NAPEPLD: variants seen among roughly 807,000 people sequenced by gnomAD.
NAPEPLD encodes the protein N-acyl-phosphatidylethanolamine-hydrolyzing phospholipase D.
Under a neutral mutation model 38.1 loss-of-function variants are expected in NAPEPLD, and 23 were observed. The ratio of observed to expected loss-of-function variants is 0.60; its 90% CI spans 0.43 to 0.86. The LOEUF is 0.86. Among genes scored for constraint, NAPEPLD ranks in the 40% least tolerant of loss-of-function variants. The probability of loss-of-function intolerance (pLI) is 0.00; values close to 1 mark genes in which losing one functional copy is unlikely to be tolerated. For missense variants in NAPEPLD, 411 were observed against 476.8 expected (o/e 0.86, Z 1.28); for synonymous variants, 147 against 162.0 (o/e 0.91, Z 0.71).
Position 103,103,537 on chromosome 7 carries a change from T to C in NAPEPLD, c.1074A>G (p.Pro358=), listed in dbSNP as rs1226957985. 3.8e-6 allele frequency: 6 copies of C among 1,589,026 alleles called. No individual in the cohort carries two copies. The East Asian group carries it at 1.4e-4, about 36-fold the overall frequency. Residue 358 remains proline, a synonymous_variant, in exon 5 of 5, where the codon CCA becomes CCG. Transcript: ENST00000465647. ...ALANEHYLEP[P]VKLNEALERY... is the part of the protein sequence containing the mutation. ...TCTCTAGAGCTTCATTCAGCTTCAC[T>C]GGAGGCTCTAAGTAATGCTGGCCAA...
intron 4 of NAPEPLD, among the ~76,000 whole-genome samples, chr7:103,108,396 C>T (rs528226892): frequency 1.3e-5 from 2 of 152,190 alleles, no homozygotes; most frequent in Non-Finnish European, 2.9e-5. Context: ...CCGCCTCAGC[C>T]TCCAAAAGTG....
chr7:103,112,459 T>C (rs926219192), intron 4 of NAPEPLD, among the ~76,000 whole-genome samples: 5 of 152,128 alleles, frequency 3.3e-5, no homozygotes, highest in African/African-American at 4.8e-5. Flanking sequence ...TGCAGGGACA[T>C]GGATGAAGCT....
chr7:103,113,664 T>C (rs546105507), intron 4 of NAPEPLD, among the ~76,000 whole-genome samples: 1 of 149,436 alleles, frequency 6.7e-6, no homozygotes, highest in East Asian at 1.9e-4. Flanking sequence ...AGAGTTTCGC[T>C]CTTTCACCCA....
chr7:103,099,916 GTC>G lies in NAPEPLD; in HGVS notation c.*3511_*3512del, dbSNP rs1802149367. 1 of 152,006 alleles carries G rather than the reference GTC, an allele frequency of 6.6e-6. No individual in the cohort carries two copies. The highest frequency in any genetic ancestry group is 1.5e-5 in the Non-Finnish European group (1 of 68,020). The allele number at this position is 152,006 out of a possible 1,614,324, so 9.4% of individuals were successfully genotyped here. The stretch of plus-strand genomic sequence containing the variant: ...ATTGATACATCTGGGATTCAGCCAG[GTC>G]TTATAGTATTTAAATTTATAACCCC... On this transcript the variant is annotated 3_prime_UTR_variant, in exon 5 of 5. Transcript: ENST00000465647.
Position 103,101,627 on chromosome 7 carries a change from T to C in NAPEPLD, c.*1802A>G, listed in dbSNP as rs1802410988. On this transcript the variant is annotated 3_prime_UTR_variant, in exon 5 of 5. Transcript: ENST00000465647. ...TAAAGTGCTTTAAAAACTCATTTAA[T>C]CTACACATTTTTCAGAGGTAGGTCG... is the stretch of plus-strand genomic sequence containing the variant. 1.3e-5 allele frequency: 2 copies of C among 152,614 alleles called. No homozygotes were observed. Among genetic ancestry groups the C allele is most frequent in the South Asian group, 4.1e-4 (2 of 4,832 alleles). The allele number at this position is 152,614 out of a possible 1,614,324, so 9.5% of individuals were successfully genotyped here. A position where few individuals can be genotyped will look rare whatever the true frequency, so the allele number is the denominator to read the frequency against.
At chr7:103,149,178 G>A, upstream of NAPEPLD, 1 of 991,412 alleles carries the variant, frequency 1.0e-6, no homozygotes, top group Non-Finnish European at 1.2e-6. Context: ...ACCGCCTCCC[G>A]CGAGGTCCAA....
At position 103,103,381 on chromosome 7, in the gene NAPEPLD, A is replaced by C; in HGVS notation, c.*48T>G. On this transcript the variant is annotated 3_prime_UTR_variant, in exon 5 of 5. Coordinates refer to ENST00000465647, the MANE Select transcript of NAPEPLD (RefSeq NM_001122838.3). ...TTTCTAAGTCTTTTCATTTGTTTTT[A>C]AACTTAGATGATGCCTTTTTCATTA... The C allele has an allele frequency of 6.6e-7, 1 of 1,516,582 alleles. No homozygotes were observed. The highest frequency in any genetic ancestry group is 8.8e-7 in the Non-Finnish European group (1 of 1,132,800). The allele number at this position is 1,516,582 out of a possible 1,614,324, so 93.9% of individuals were successfully genotyped here.
intron 4 of NAPEPLD, among the ~76,000 whole-genome samples, chr7:103,108,867 A>G (rs1803936015): frequency 6.6e-6 from 1 of 152,220 alleles, no homozygotes; most frequent in African/African-American, 2.4e-5. Context: ...AAAGACACAC[A>G]TAGGCTCAAA....
chr7:103,134,073 T>C (rs536402729), intron 1 of NAPEPLD, among the ~76,000 whole-genome samples: 2 of 152,298 alleles, frequency 1.3e-5, no homozygotes, highest in African/African-American at 4.8e-5. Flanking sequence ...ACATGACATA[T>C]AGTGATATCA....
At chr7:103,141,236 AGTTGT>A (rs758152467) in intron 1 of NAPEPLD, 14 of 125,296 alleles carry the variant, frequency 1.1e-4, no homozygotes, top group East Asian at 6.1e-4. Context: ...TTACCTGTGG[AGTTGT>A]TTTTTTTTTT....
intron 3 of NAPEPLD, chr7:103,115,423 T>C (rs1415970660): frequency 2.8e-6 from 1 of 353,404 alleles, no homozygotes. Flanking sequence ...GGCAAAACCA[T>C]CTCCCTTTGG....
intron 1 of NAPEPLD, 98 bp downstream of exon 1, chr7:103,148,711 ATT>A: frequency 1.4e-6 from 1 of 698,306 alleles, no homozygotes. Context: ...GTTGGAATGG[ATT>A]TTTAGAAGAT....
At chr7:103,114,086 G>A (rs1034229444) in intron 4 of NAPEPLD, among the ~76,000 whole-genome samples, 2 of 151,100 alleles carry the variant, frequency 1.3e-5, no homozygotes, top group African/African-American at 2.4e-5. Context: ...TAGTAGAGAC[G>A]GGGTTTCGCC....
chr7:103,110,240 A>ACCAAAACCTGGCAGAGATT (rs1208063483), intron 4 of NAPEPLD, among the ~76,000 whole-genome samples: 2 of 152,178 alleles, frequency 1.3e-5, no homozygotes, highest in Non-Finnish European at 1.5e-5. Context: ...TCATCCTGAT[A>ACCAAAACCTGGCAGAGATT]CCAAAACCTG....
intron 4 of NAPEPLD, among the ~76,000 whole-genome samples, chr7:103,106,217 T>TA (rs1721875777): frequency 6.6e-6 from 1 of 152,150 alleles, no homozygotes; most frequent in African/African-American, 2.4e-5. Flanking sequence ...CCAGCCCAGA[T>TA]ACTGCACTTT....
At chr7:103,133,295 C>G (rs907553075) in intron 1 of NAPEPLD, among the ~76,000 whole-genome samples, 3 of 152,174 alleles carry the variant, frequency 2.0e-5, no homozygotes, top group African/African-American at 7.2e-5. Context: ...GGATTATGGA[C>G]TGCCATCCAT....
In NAPEPLD at chr7:103,148,814, T is replaced by TACC; in HGVS notation, c.-21_-20insGGT. The stretch of plus-strand genomic sequence containing the variant: ...AACCAAAAGAAGATAAACCCACATG[T>TACC]ATTCCTATCAGTGAAGATGCAACCT... On this transcript the variant is annotated 5_prime_UTR_variant, in exon 1 of 5. The change creates a new upstream start codon in the 5' untranslated region. Transcript: ENST00000465647. 1 of 985,322 alleles carries TACC rather than the reference T, an allele frequency of 1.0e-6. No individual in the cohort carries two copies. Among genetic ancestry groups the TACC allele is most frequent in the East Asian group, 1.1e-4 (1 of 8,814 alleles). The allele number at this position is 985,322 out of a possible 1,614,324, so 61.0% of individuals were successfully genotyped here. A position where few individuals can be genotyped will look rare whatever the true frequency, so the allele number is the denominator to read the frequency against.
In NAPEPLD at chr7:103,120,109, C is replaced by A; in HGVS notation, c.409G>T (p.Val137Leu). 2 of 1,614,188 alleles carry A rather than the reference C, an allele frequency of 1.2e-6. No homozygotes were observed. Among genetic ancestry groups the A allele is most frequent in the Non-Finnish European group, 1.7e-6 (2 of 1,180,044 alleles). The change falls in exon 3 of 5, where the codon GTG becomes TTG. Residue 137 changes from valine to leucine, a missense_variant. Physicochemically the swap from Val to Leu is conservative, Grantham distance 32. Transcript: ENST00000465647. ...AGAAATATGAGCTCATCCATTTCCA[C>A]CATTACCGTGGCATGTCCCAGCCAT... ...VTWLGHATVM[V>L]EMDELIFLTD... is the part of the protein sequence containing the mutation.
At chr7:103,120,355 G>T (rs2129528875) in intron 2 of NAPEPLD, 132 bp from the exon 3 acceptor site, 3 of 949,182 alleles carry the variant, frequency 3.2e-6, no homozygotes, top group South Asian at 2.0e-5. Flanking sequence ...CAATAAACTT[G>T]CTACACTTTT....
Sources: gnomAD v4.1 joint callset for allele counts (sites outside exome capture counted in the v4.1 genomes callset) on GRCh38, gnomAD v4.1.1 for gene constraint, MANE v1.5 for transcripts, NCBI Gene and HGNC (gene_info 2026-07-23, HGNC 2026-07-21) for gene names.